SCARB1: variants seen among roughly 807,000 people sequenced by gnomAD.
SCARB1 encodes the protein CD36 and LIMPII analogous 1.
SCARB1 carries 30 observed loss-of-function variants against 57.2 expected under a neutral mutation model. The ratio of observed to expected loss-of-function variants is 0.52; its 90% CI spans 0.39 to 0.71. The LOEUF is 0.71. Among genes scored for constraint, SCARB1 ranks in the 30% least tolerant of loss-of-function variants. The probability of loss-of-function intolerance (pLI) is 0.00; values close to 1 mark genes in which losing one functional copy is unlikely to be tolerated. For missense variants in SCARB1, 543 were observed against 671.2 expected (o/e 0.81, Z 2.11); for synonymous variants, 249 against 268.3 (o/e 0.93, Z 0.70).
intron 1 of SCARB1, chr12:124,821,447 C>CAT: frequency 1.0e-6 from 1 of 985,184 alleles, no homozygotes; most frequent in Non-Finnish European, 1.2e-6. Context: ...ACCAAGAAGT[C>CAT]ATGGGATCCG....
At position 124,816,183 on chromosome 12, in the gene SCARB1, C is replaced by T. The variant is rs112754104; in HGVS notation, c.285-1069G>A. On this transcript the variant is annotated intron_variant, in intron 2 of 12. Transcript: ENST00000261693. Reference sequence around the variant, plus strand: ...CAAGGCCACCCTCCCTCCTGCACTCCGGCTTCACACTGTTTTGTCTGCACA... The same window carrying T: ...CAAGGCCACCCTCCCTCCTGCACTCTGGCTTCACACTGTTTTGTCTGCACA... Among the ~76,000 whole-genome samples, 389 of 152,308 alleles carry T rather than the reference C, an allele frequency of 2.6e-3. 4 individuals are homozygous for T. Among genetic ancestry groups the T allele is most frequent in the African/African-American group, 7.5e-3 (310 of 41,560 alleles).
At position 124,815,051 on chromosome 12, in the gene SCARB1, G is replaced by A. The variant is rs1207944872; in HGVS notation, c.348C>T (p.Tyr116=). Reference sequence around the variant, plus strand: ...TGGAGGGCTGGAACTGGAAGGTGCGGTACTCGAGGAAGGACACGGTGTCGT... The same window carrying A: ...TGGAGGGCTGGAACTGGAAGGTGCGATACTCGAGGAAGGACACGGTGTCGT... ...NNNDTVSFLE[Y]RTFQFQPSKS... Residue 116 remains tyrosine, a synonymous_variant, in exon 3 of 13, where the codon TAC becomes TAT. Transcript: ENST00000261693. 17 of 1,614,076 alleles carry A rather than the reference G, an allele frequency of 1.1e-5. No individual in the cohort carries two copies. The highest frequency in any genetic ancestry group is 1.3e-5 in the African/African-American group (1 of 74,942).
rs549473523 is a variant in SCARB1 at position 124,807,394 on chromosome 12, AAC to A, written c.1009+365_1009+366del. Among the ~76,000 whole-genome samples the A allele has an allele frequency of 1.1e-4, 16 of 152,222 alleles. No individual in the cohort carries two copies. Among genetic ancestry groups the A allele is most frequent in the Non-Finnish European group, 1.9e-4 (13 of 68,006 alleles). On this transcript the variant is annotated intron_variant, in intron 7 of 12. Transcript: ENST00000261693. This position sits in a 1 kb window ranked among gnomAD's most constrained non-coding sequence, Gnocchi z 5.3. ...TGGAGGAAGGGCCCGGGAGCCAAGA[AAC>A]ACAGAGGGGCCTCTGGAAGCCAGAA...
chr12:124,817,796 G>A lies in SCARB1; in HGVS notation c.127-89C>T, dbSNP rs189547188. 132 of 1,409,780 alleles carry A rather than the reference G, an allele frequency of 9.4e-5. 1 individual carries two copies. The African/African-American group carries it at 1.4e-3, about 15-fold the overall frequency. 87.3% of individuals were successfully genotyped at this position (1,409,780 alleles called of 1,614,324 possible). A position where few individuals can be genotyped will look rare whatever the true frequency, so the allele number is the denominator to read the frequency against. ...GGCTCCGGAACAGCTGCCCGAGCCC[G>A]GCCAGGGAAGGGGCTCCTCGGCGGG... On this transcript the variant is annotated intron_variant, in intron 1 of 12. Transcript: ENST00000261693. The surrounding 1 kb of genome is among the most constrained non-coding windows in gnomAD (Gnocchi z 4.8).
chr12:124,844,821 T>TTC (rs1952075951), intron 1 of SCARB1, among the ~76,000 whole-genome samples: 1 of 146,464 alleles, frequency 6.8e-6, no homozygotes, highest in Admixed American at 6.9e-5. Context: ...TTCTTTCTTT[T>TTC]TTTTTTTTTT....
intron 1 of SCARB1, among the ~76,000 whole-genome samples, chr12:124,860,108 G>A (rs1193015595): frequency 6.6e-6 from 1 of 152,094 alleles, no homozygotes; most frequent in Non-Finnish European, 1.5e-5. Flanking sequence ...GCACCACCAT[G>A]TCCAGCTAGT....
intron 1 of SCARB1, among the ~76,000 whole-genome samples, chr12:124,854,905 C>A (rs997462659): frequency 5.3e-5 from 8 of 151,994 alleles, no homozygotes; most frequent in African/African-American, 1.9e-4. Context: ...AAGGTCTGGG[C>A]CCAGGGATAC....
At chr12:124,829,815 C>T (rs1472783341) in intron 1 of SCARB1, among the ~76,000 whole-genome samples, 1 of 152,206 alleles carries the variant, frequency 6.6e-6, no homozygotes, top group African/African-American at 2.4e-5. Flanking sequence ...CAATAGTGAA[C>T]AAAATGGATG....
chr12:124,831,142 A>G (rs1046231475), intron 1 of SCARB1, among the ~76,000 whole-genome samples: 9 of 152,076 alleles, frequency 5.9e-5, no homozygotes, highest in African/African-American at 2.2e-4. Context: ...CACCTGGCTA[A>G]TTTTTGTATT....
At chr12:124,813,011 A>C (rs1207567879) in intron 4 of SCARB1, among the ~76,000 whole-genome samples, 1 of 152,208 alleles carries the variant, frequency 6.6e-6, no homozygotes. Context: ...TTAAATGATC[A>C]TTATAATGGA....
chr12:124,793,692 CAA>C (rs71092224), intron 9 of SCARB1, among the ~76,000 whole-genome samples: 1,818 of 51,440 alleles, frequency 0.035, 17 homozygotes, highest in African/African-American at 0.11. Flanking sequence ...GACTCCGTCT[CAA>C]AAAAAAAAAA....
In SCARB1 at chr12:124,817,696, G is replaced by A. The variant is rs374973412; in HGVS notation, c.138C>T (p.Ile46=). Residue 46 remains isoleucine (I), a synonymous_variant, in exon 2 of 13, where the codon ATC becomes ATT. Transcript: ENST00000261693. The surrounding 1 kb of genome is among the most constrained non-coding windows in gnomAD (Gnocchi z 4.8). ...TGTTGAAGGACAGGCTACTGGGGTC[G>A]ATGCGCACGTTCTGCAGGGGAAGGG... ...IKQQVLKNVR[I]DPSSLSFNMW... 3.8e-5 allele frequency: 62 copies of A among 1,614,184 alleles called. No individual in the cohort carries two copies. In the East Asian group the frequency reaches 9.1e-4, roughly 24 times the overall value.
At chr12:124,843,587 C>T (rs1952004703) in intron 1 of SCARB1, among the ~76,000 whole-genome samples, 1 of 152,094 alleles carries the variant, frequency 6.6e-6, no homozygotes, top group Non-Finnish European at 1.5e-5. Flanking sequence ...GAAGCATGTC[C>T]CCTGCCAAAT....
In SCARB1 at chr12:124,804,638, G is replaced by A. The variant is rs77858701; in HGVS notation, c.1009+3123C>T. ...GCCAATGCCCAGACGGGCCAGACAG[G>A]ACCAGGAGACAGCAGCGGGCGTCCC... On this transcript the variant is annotated intron_variant, in intron 7 of 12. Coordinates refer to ENST00000261693, the MANE Select transcript of SCARB1 (RefSeq NM_005505.5). 7.3e-4 allele frequency among the ~76,000 whole-genome samples: 111 copies of A among 152,310 alleles called. No individual in the cohort carries two copies. The East Asian group carries it at 0.019, about 25-fold the overall frequency.
chr12:124,799,019 T>C (rs1307135316), intron 8 of SCARB1, among the ~76,000 whole-genome samples: 3 of 152,142 alleles, frequency 2.0e-5, no homozygotes, highest in African/African-American at 2.4e-5. Context: ...TACTATACAA[T>C]ACAACACAGT....
At position 124,777,858 on chromosome 12, in the gene SCARB1, G is replaced by A. The variant is rs754489985; in HGVS notation, c.*729C>T. 6.6e-6 allele frequency: 1 copy of A among 152,470 alleles called. No homozygotes were observed. Among genetic ancestry groups the A allele is most frequent in the Non-Finnish European group, 1.5e-5 (1 of 68,238 alleles). The allele number at this position is 152,470 out of a possible 1,614,324, so 9.4% of individuals were successfully genotyped here. The stretch of plus-strand genomic sequence containing the variant: ...ACAGCCTGCGGCCACTTCGGCCAGA[G>A]AGTGGCCGGCTCAGTCCATAGGATG... On this transcript the variant is annotated 3_prime_UTR_variant, in exon 13 of 13. Transcript: ENST00000261693.
chr12:124,863,705 T>C lies in SCARB1; in HGVS notation c.16A>G (p.Lys6Glu). Residue 6 changes from lysine to glutamate, a missense_variant, in exon 1 of 13, where the codon AAA becomes GAA. Transcript: ENST00000261693. MGCSA[K>E]ARWAAGALGV... is the part of the protein sequence containing the mutation. Reference sequence around the variant, plus strand: ...AGCGCCCCGGCAGCCCAGCGCGCTTTGGCGGAGCAGCCCATGTCTGCGCGC... The same window carrying C: ...AGCGCCCCGGCAGCCCAGCGCGCTTCGGCGGAGCAGCCCATGTCTGCGCGC... 1 of 1,533,858 alleles carries C rather than the reference T, an allele frequency of 6.5e-7. No homozygotes were observed. The highest frequency in any genetic ancestry group is 8.8e-7 in the Non-Finnish European group (1 of 1,139,960).
In SCARB1 at chr12:124,807,752, G is replaced by C. The variant is rs368325768; in HGVS notation, c.1009+9C>G. 2 of 1,613,872 alleles carry C rather than the reference G, an allele frequency of 1.2e-6. No homozygotes were observed. The highest frequency in any genetic ancestry group is 1.7e-6 in the Non-Finnish European group (2 of 1,179,902). On this transcript the variant is annotated intron_variant, in intron 7 of 12. Coordinates refer to ENST00000261693, the MANE Select transcript of SCARB1 (RefSeq NM_005505.5). This position sits in a 1 kb window ranked among gnomAD's most constrained non-coding sequence, Gnocchi z 5.3. ...CTCCCGCCATCCCAGCACAGGGGACGGCACGTACTGAACCTGCAGGTGCTG... is the reference window on the plus strand; with the variant it reads ...CTCCCGCCATCCCAGCACAGGGGACCGCACGTACTGAACCTGCAGGTGCTG...
In SCARB1 at chr12:124,812,891, T is replaced by C. The variant is rs1950575578; in HGVS notation, c.631-926A>G. 6.6e-6 allele frequency among the ~76,000 whole-genome samples: 1 copy of C among 152,116 alleles called. No individual in the cohort carries two copies. The highest frequency in any genetic ancestry group is 2.4e-5 in the African/African-American group (1 of 41,410). ...CAAAGGGGAGCATTAAAGGGACTCA[T>C]GTGCAAAAACGGCCAGGTACAGTGC... On this transcript the variant is annotated intron_variant, in intron 4 of 12. Transcript: ENST00000261693. This position sits in a 1 kb window ranked among gnomAD's most constrained non-coding sequence, Gnocchi z 4.3.
Sources: gnomAD v4.1 joint callset for allele counts (sites outside exome capture counted in the v4.1 genomes callset) on GRCh38, gnomAD v4.1.1 for gene constraint, Gnocchi (gnomAD v3.1) non-coding constraint, MANE v1.5 for transcripts, NCBI Gene and HGNC (gene_info 2026-07-23, HGNC 2026-07-21) for gene names.